Variants in IGF2BP3 observed in about 807,000 individuals in gnomAD.
IGF2BP3 encodes insulin-like growth factor 2 mRNA-binding protein 3.
In IGF2BP3, 9 loss-of-function variants were observed where a neutral mutation model predicts 73.8. That is an observed-to-expected ratio of 0.12 (90% confidence interval 0.07 to 0.21). The LOEUF (loss-of-function observed/expected upper bound fraction) is 0.21. Among genes scored for constraint, IGF2BP3 ranks in the 10% least tolerant of loss-of-function variants. IGF2BP3 has a pLI of 1.00. For synonymous variants in IGF2BP3, 258 were observed against 256.7 expected (o/e 1.01, Z -0.05); for missense variants, 542 against 714.0 (o/e 0.76, Z 2.75).
chr7:23,457,450 A>C (rs1788349069), intron 2 of IGF2BP3, among the ~76,000 whole-genome samples: 1 of 152,112 alleles, frequency 6.6e-6, no homozygotes, highest in African/African-American at 2.4e-5. Flanking sequence ...GGGCGAGACC[A>C]AGACCCTGTT....
rs1442973991 is a variant in IGF2BP3, at chr7:23,351,324, T to C, written c.664A>G (p.Thr222Ala). Reference sequence around the variant, plus strand: ...ACTCACTTAGACTGGGTCTGTTTGGTGATGTTCCGAATGGTGGCACCTTCT... The same window carrying C: ...ACTCACTTAGACTGGGTCTGTTTGGCGATGTTCCGAATGGTGGCACCTTCT... The part of the protein sequence containing the change: ...GKEGATIRNI[T>A]KQTQSKIDVH... Residue 222 changes from threonine (T) to alanine (A), a missense_variant, in exon 6 of 15, where the codon ACC becomes GCC. Physicochemically the swap from Thr to Ala is moderately conservative, Grantham distance 58. This residue lies in a region of IGF2BP3 where 303 missense variants were observed against 472.1 expected (regional missense o/e 0.64). Transcript: ENST00000258729. 3 of 1,613,800 alleles carry C rather than the reference T, an allele frequency of 1.9e-6. No homozygotes were observed. The highest frequency in any genetic ancestry group is 2.5e-6 in the Non-Finnish European group (3 of 1,179,846).
chr7:23,378,000 G>A (rs1785781676), intron 3 of IGF2BP3, among the ~76,000 whole-genome samples: 1 of 152,000 alleles, frequency 6.6e-6, no homozygotes, highest in Non-Finnish European at 1.5e-5. Flanking sequence ...GTTACTTTTG[G>A]GAGTAATTAA....
intron 12 of IGF2BP3, 132 bp from the exon 13 acceptor site, chr7:23,313,785 A>G (rs1783898041): frequency 1.2e-6 from 1 of 836,662 alleles, no homozygotes; most frequent in African/African-American, 1.7e-5. Flanking sequence ...TAGATTGTTG[A>G]AAATAACATA....
chr7:23,366,688 A>G (rs1342269252), intron 3 of IGF2BP3, among the ~76,000 whole-genome samples: 1 of 152,140 alleles, frequency 6.6e-6, no homozygotes, highest in East Asian at 1.9e-4. Flanking sequence ...ATAGCCCCAT[A>G]GATGGATTTC....
intron 8 of IGF2BP3, among the ~76,000 whole-genome samples, chr7:23,345,183 G>C (rs1326423997): frequency 6.6e-6 from 1 of 152,078 alleles, no homozygotes; most frequent in Non-Finnish European, 1.5e-5. Flanking sequence ...TGAGTACTCT[G>C]AGTGAAACTA....
Position 23,406,960 on chromosome 7 carries a change from T to A in IGF2BP3, c.285+11816A>T, listed in dbSNP as rs552796471. The stretch of plus-strand genomic sequence containing the variant: ...CAGCCACCTTCACCTCTCAAAATCA[T>A]GGAGACAGAGAAGCTCATTCAGCTT... On this transcript the variant is annotated intron_variant, in intron 3 of 14. Coordinates refer to ENST00000258729, the MANE Select transcript of IGF2BP3 (RefSeq NM_006547.3). Among the ~76,000 whole-genome samples, 9 of 152,214 alleles carry A rather than the reference T, an allele frequency of 5.9e-5. No homozygotes were observed. In the South Asian group the frequency reaches 8.3e-4, roughly 14 times the overall value.
intron 2 of IGF2BP3, among the ~76,000 whole-genome samples, chr7:23,449,940 A>G (rs1341047063): frequency 6.6e-6 from 1 of 152,092 alleles, no homozygotes; most frequent in African/African-American, 2.4e-5. Flanking sequence ...TCCCTGACAC[A>G]CTTTCAGGAG....
At chr7:23,367,747 T>A (rs1785421418) in intron 3 of IGF2BP3, among the ~76,000 whole-genome samples, 1 of 152,056 alleles carries the variant, frequency 6.6e-6, no homozygotes, top group African/African-American at 2.4e-5. Flanking sequence ...ACGCCTGTAA[T>A]CCCAGCACTT....
intron 3 of IGF2BP3, among the ~76,000 whole-genome samples, chr7:23,397,741 C>T (rs2128523994): frequency 6.6e-6 from 1 of 152,324 alleles, no homozygotes; most frequent in East Asian, 1.9e-4. Context: ...GTCCTATTAG[C>T]ATTTATTTGA....
rs141790244 is a variant in IGF2BP3, at chr7:23,395,913, G to A, written c.285+22863C>T. ...TGCACTCCAGCCTGGGCAACAGAGC[G>A]AGACTCCATCTCAAAAAAAGAAGAA... On this transcript the variant is annotated intron_variant, in intron 3 of 14. Transcript: ENST00000258729. 1.8e-3 allele frequency among the ~76,000 whole-genome samples: 271 copies of A among 151,926 alleles called. 2 individuals carry two copies. The highest frequency in any genetic ancestry group is 6.1e-3 in the African/African-American group (254 of 41,374).
intron 2 of IGF2BP3, among the ~76,000 whole-genome samples, chr7:23,425,392 T>G (rs1370834582): frequency 6.6e-6 from 1 of 152,194 alleles, no homozygotes; most frequent in Admixed American, 6.5e-5. Flanking sequence ...ATAATGTATT[T>G]TTTCTAAGAG....
At chr7:23,468,672 G>C in intron 1 of IGF2BP3, 130 bp from the exon 2 acceptor site, 1 of 868,724 alleles carries the variant, frequency 1.2e-6, no homozygotes, top group Non-Finnish European at 1.9e-6. Context: ...GCCCGGACGC[G>C]GCTCCAGGCG....
Position 23,369,698 on chromosome 7 carries a change from G to A in IGF2BP3, c.286-7957C>T, listed in dbSNP as rs1488909709. On this transcript the variant is annotated intron_variant, in intron 3 of 14. Coordinates refer to ENST00000258729, the MANE Select transcript of IGF2BP3 (RefSeq NM_006547.3). ...CTTCAATCTAGTAGCCTAGTTTATT[G>A]ACACATATAGAGATCACTGCAATAA... Among the ~76,000 whole-genome samples, 4 of 151,552 alleles carry A rather than the reference G, an allele frequency of 2.6e-5. No individual in the cohort carries two copies. The East Asian group carries it at 7.7e-4, about 29-fold the overall frequency.
chr7:23,456,932 G>A (rs755886923), intron 2 of IGF2BP3, among the ~76,000 whole-genome samples: 13 of 152,008 alleles, frequency 8.6e-5, no homozygotes, highest in South Asian at 6.2e-4. Context: ...GCCCATAGTC[G>A]CAGCTACTCG....
chr7:23,448,317 A>G (rs549130989), intron 2 of IGF2BP3, among the ~76,000 whole-genome samples: 1 of 152,370 alleles, frequency 6.6e-6, no homozygotes, highest in East Asian at 1.9e-4. Context: ...ACTTAAGTGT[A>G]TCGATAGATG....
Position 23,444,261 on chromosome 7 carries a change from A to G in IGF2BP3, c.236+24221T>C, listed in dbSNP as rs538277776. Among the ~76,000 whole-genome samples, 5 of 152,152 alleles carry G rather than the reference A, an allele frequency of 3.3e-5. No homozygotes were observed. The South Asian group carries it at 1.0e-3, about 31-fold the overall frequency. ...ATCAGAAAAATCTTTAACAAGTACA[A>G]TAATGAAACCTAAGATATTATTAAT... On this transcript the variant is annotated intron_variant, in intron 2 of 14. Coordinates refer to ENST00000258729, the MANE Select transcript of IGF2BP3 (RefSeq NM_006547.3).
At chr7:23,456,024 G>A (rs1788309212) in intron 2 of IGF2BP3, among the ~76,000 whole-genome samples, 1 of 152,066 alleles carries the variant, frequency 6.6e-6, no homozygotes, top group Non-Finnish European at 1.5e-5. Context: ...ACCTAGCATA[G>A]AATCAACTAT....
intron 2 of IGF2BP3, among the ~76,000 whole-genome samples, chr7:23,430,279 T>G (rs1787637232): frequency 6.6e-6 from 1 of 152,154 alleles, no homozygotes; most frequent in Non-Finnish European, 1.5e-5. Flanking sequence ...GAGACGGGGT[T>G]TCACCATGCT....
At chr7:23,326,514 C>T (rs1583887389) in intron 10 of IGF2BP3, among the ~76,000 whole-genome samples, 3 of 151,466 alleles carry the variant, frequency 2.0e-5, no homozygotes, top group African/African-American at 7.3e-5. Flanking sequence ...TGTGGCAATT[C>T]CTCAGGGATC....
Sources: gnomAD v4.1 joint callset for allele counts (sites outside exome capture counted in the v4.1 genomes callset) on GRCh38, gnomAD v4.1.1 for gene constraint, gnomAD v4.1.1 regional missense constraint, MANE v1.5 for transcripts, NCBI Gene and HGNC (gene_info 2026-07-23, HGNC 2026-07-21) for gene names.